Variants in TMEM135 observed in about 807,000 individuals in gnomAD.
TMEM135 encodes transmembrane protein 135, also known as peroxisomal membrane protein 52.
A neutral mutation model predicts 60.3 loss-of-function variants in TMEM135; 30 were observed. That is an observed-to-expected ratio of 0.50 (90% CI 0.37 to 0.68). TMEM135 has a LOEUF of 0.68. Ranked by LOEUF, TMEM135 falls within the 30% of genes least tolerant of loss-of-function variation. The probability of loss-of-function intolerance (pLI) is 0.00; values close to 1 mark genes in which losing one functional copy is unlikely to be tolerated. For synonymous variants in TMEM135, 190 were observed against 186.7 expected (o/e 1.02, Z -0.14); for missense variants, 468 against 548.8 (o/e 0.85, Z 1.47).
intron 5 of TMEM135, among the ~76,000 whole-genome samples, chr11:87,179,750 A>G (rs1019959133): frequency 8.5e-5 from 13 of 152,312 alleles, no homozygotes; most frequent in Middle Eastern, 6.8e-3. Flanking sequence ...ATTTATGTCT[A>G]GAATTTCTGT....
intron 1 of TMEM135, among the ~76,000 whole-genome samples, chr11:87,039,449 C>A (rs1328970705): frequency 6.6e-6 from 1 of 152,120 alleles, no homozygotes; most frequent in Non-Finnish European, 1.5e-5. Context: ...TAATAAAGAT[C>A]TAGAGTAGAG....
chr11:87,242,335 AG>A (rs1941157906), intron 6 of TMEM135, among the ~76,000 whole-genome samples: 1 of 151,660 alleles, frequency 6.6e-6, no homozygotes, highest in African/African-American at 2.4e-5. Flanking sequence ...TCTTTATAGC[AG>A]CATGTTTTAT....
intron 5 of TMEM135, among the ~76,000 whole-genome samples, chr11:87,179,872 C>T (rs1203807034): frequency 6.6e-6 from 1 of 152,166 alleles, no homozygotes; most frequent in African/African-American, 2.4e-5. Context: ...TAAATAATAG[C>T]AGGAGGTTCA....
At chr11:87,133,619 A>T (rs1178462003) in intron 4 of TMEM135, among the ~76,000 whole-genome samples, 1 of 152,204 alleles carries the variant, frequency 6.6e-6, no homozygotes, top group Non-Finnish European at 1.5e-5. Context: ...TATCAGTGAA[A>T]CTGTTACCAC....
intron 4 of TMEM135, among the ~76,000 whole-genome samples, chr11:87,157,038 G>C (rs113277568): frequency 0.017 from 2,546 of 150,132 alleles, 32 homozygotes; most frequent in Middle Eastern, 0.028. Context: ...TGGTTCTCTA[G>C]TTGCGTTGCA....
chr11:87,120,103 TTTTC>T lies in TMEM135; in HGVS notation c.396+28711_396+28714del, dbSNP rs146541197. Among the ~76,000 whole-genome samples, 566 of 105,898 alleles carry T rather than the reference TTTTC, an allele frequency of 5.3e-3. 22 individuals are homozygous for T. Among genetic ancestry groups the T allele is most frequent in the Admixed American group, 6.5e-3 (59 of 9,092 alleles). 69.5% of individuals were successfully genotyped at this position (105,898 alleles called of 152,430 possible). A position where few individuals can be genotyped will look rare whatever the true frequency, so the allele number is the denominator to read the frequency against. On this transcript the variant is annotated intron_variant, in intron 4 of 14. Transcript: ENST00000305494. ...TATAAATGAACTTATTAGTCTGTTT[TTTTC>T]TTCTTCTTCTTTTTTTTTTTTTTTT...
At chr11:87,130,900 G>A (rs1484921243) in intron 4 of TMEM135, among the ~76,000 whole-genome samples, 1 of 150,468 alleles carries the variant, frequency 6.6e-6, no homozygotes, top group East Asian at 1.9e-4. Flanking sequence ...TATAAAAGGT[G>A]CTAATTCTAA....
intron 5 of TMEM135, among the ~76,000 whole-genome samples, chr11:87,160,820 T>G (rs527980870): frequency 5.4e-4 from 82 of 152,322 alleles, no homozygotes; most frequent in African/African-American, 1.9e-3. Context: ...GTGATGTTCT[T>G]TATAAAGTCC....
At chr11:87,157,069 C>CT (rs1354998761) in intron 4 of TMEM135, among the ~76,000 whole-genome samples, 27 of 122,416 alleles carry the variant, frequency 2.2e-4, no homozygotes, top group African/African-American at 5.4e-4. Context: ...TTCTTTCTTT[C>CT]TTTTGTTTTT....
At chr11:87,148,303 C>T (rs567548440) in intron 4 of TMEM135, among the ~76,000 whole-genome samples, 106 of 152,202 alleles carry the variant, frequency 7.0e-4, no homozygotes, top group African/African-American at 2.4e-3. Flanking sequence ...TAGCAGAGGT[C>T]AAAAGAAAGT....
Position 87,104,063 on chromosome 11 carries a change from G to A in TMEM135, c.396+12668G>A, listed in dbSNP as rs76129274. Among the ~76,000 whole-genome samples, 595 of 152,154 alleles carry A rather than the reference G, an allele frequency of 3.9e-3. 5 individuals carry two copies. Among genetic ancestry groups the A allele is most frequent in the African/African-American group, 0.014 (577 of 41,512 alleles). The stretch of plus-strand genomic sequence containing the variant: ...ATTTTCTTTTAGTCATTTTATGGAA[G>A]AGCTTATATTTATTGTCTTTAATCC... On this transcript the variant is annotated intron_variant, in intron 4 of 14. Transcript: ENST00000305494.
intron 6 of TMEM135, among the ~76,000 whole-genome samples, chr11:87,248,736 T>C (rs1357275400): frequency 6.6e-6 from 1 of 152,190 alleles, no homozygotes; most frequent in Non-Finnish European, 1.5e-5. Flanking sequence ...CTGATTCTTA[T>C]AATCTATGAA....
intron 4 of TMEM135, among the ~76,000 whole-genome samples, chr11:87,152,956 T>C (rs1938594539): frequency 6.6e-6 from 1 of 152,206 alleles, no homozygotes; most frequent in Admixed American, 6.5e-5. Flanking sequence ...CTGTTAGGCA[T>C]CTTTTTTTAT....
chr11:87,219,482 G>A (rs570518063), intron 5 of TMEM135, among the ~76,000 whole-genome samples: 2 of 152,084 alleles, frequency 1.3e-5, no homozygotes, highest in Non-Finnish European at 1.5e-5. Flanking sequence ...TGGGGGGAGA[G>A]AGCCAGGGAG....
At chr11:87,284,135 C>A (rs1387414468) in intron 6 of TMEM135, among the ~76,000 whole-genome samples, 1 of 152,034 alleles carries the variant, frequency 6.6e-6, no homozygotes, top group Non-Finnish European at 1.5e-5. Flanking sequence ...TTGGTTGTTG[C>A]CTATAGTTAA....
chr11:87,172,793 CATG>C (rs1320275412), intron 5 of TMEM135, among the ~76,000 whole-genome samples: 2 of 151,708 alleles, frequency 1.3e-5, no homozygotes, highest in East Asian at 1.9e-4. Flanking sequence ...ATTTTAAAAT[CATG>C]ATATTTATAA....
At chr11:87,128,907 C>T (rs201556358) in intron 4 of TMEM135, among the ~76,000 whole-genome samples, 1 of 41,964 alleles carries the variant, frequency 2.4e-5, no homozygotes, top group African/African-American at 7.7e-5. Context: ...GAATACTATA[C>T]AGTATATAAG....
intron 12 of TMEM135, among the ~76,000 whole-genome samples, chr11:87,315,131 C>T (rs1011215033): frequency 1.2e-4 from 18 of 151,466 alleles, no homozygotes; most frequent in Non-Finnish European, 1.2e-4. Context: ...CCTACTACTG[C>T]TGCTACTGCT....
intron 5 of TMEM135, among the ~76,000 whole-genome samples, chr11:87,190,821 G>A (rs1365643987): frequency 6.6e-6 from 1 of 151,946 alleles, no homozygotes; most frequent in Non-Finnish European, 1.5e-5. Flanking sequence ...CTATTTTTTT[G>A]TCTTCATGTA....
Sources: allele counts gnomAD v4.1 joint callset (sites outside exome capture counted in the v4.1 genomes callset), GRCh38; gene constraint gnomAD v4.1.1; transcripts MANE v1.5; gene names NCBI Gene and HGNC (gene_info 2026-07-23, HGNC 2026-07-21).